Variants in UTY observed in about 807,000 individuals in gnomAD.
UTY encodes the protein histone demethylase UTY.
In UTY, 12 loss-of-function variants were observed where a neutral mutation model predicts 32.5. That is an observed-to-expected ratio of 0.37 (90% CI 0.24 to 0.60). The LOEUF (loss-of-function observed/expected upper bound fraction) is 0.60, where lower values mean the gene tolerates loss of function less well. UTY is among the 20% of genes least tolerant of loss of function. The pLI, the probability that UTY is intolerant of heterozygous loss-of-function variation, is 0.69. For missense variants in UTY, 303 were observed against 299.2 expected (o/e 1.01, Z -0.09); for synonymous variants, 131 against 103.4 (o/e 1.27, Z -1.62).
intron 10 of UTY, among the ~76,000 whole-genome samples, chrY:13,362,992 C>A: frequency 6.2e-5 from 2 of 32,232 alleles, no homozygotes; most frequent in Admixed American, 5.7e-4. Flanking sequence ...GTAACCTCTG[C>A]CCCTGGGTTC....
chrY:13,315,625 A>C, intron 21 of UTY, among the ~76,000 whole-genome samples: 1 of 33,117 alleles, frequency 3.0e-5, no homozygotes, highest in Non-Finnish European at 7.4e-5. Flanking sequence ...AAATAACAAC[A>C]AAAAAACAAA....
intron 17 of UTY, among the ~76,000 whole-genome samples, chrY:13,344,073 A>G (rs961206888): frequency 6.0e-5 from 2 of 33,242 alleles, no homozygotes; most frequent in African/African-American, 2.4e-4. Flanking sequence ...AGTTGCAATG[A>G]TGGAGGTAAC....
intron 9 of UTY, among the ~76,000 whole-genome samples, chrY:13,368,606 T>C (rs2064532056): frequency 3.1e-5 from 1 of 32,118 alleles, no homozygotes; most frequent in Non-Finnish European, 7.5e-5. Flanking sequence ...CTCAAACTCC[T>C]GACCGTAAGT....
intron 28 of UTY, among the ~76,000 whole-genome samples, chrY:13,259,236 C>T: frequency 5.9e-5 from 2 of 33,979 alleles, no homozygotes; most frequent in Non-Finnish European, 1.5e-4. Flanking sequence ...AATCTCTGTT[C>T]GAGGCTTTCA....
At chrY:13,406,603 T>C (rs376968749) in intron 6 of UTY, among the ~76,000 whole-genome samples, 123 of 31,308 alleles carry the variant, frequency 3.9e-3, no homozygotes, top group African/African-American at 0.013. Context: ...CTAATGTTGA[T>C]GTGTGTTCAA....
intron 6 of UTY, among the ~76,000 whole-genome samples, chrY:13,400,418 T>C (rs2068821289): frequency 3.0e-5 from 1 of 33,375 alleles, no homozygotes; most frequent in Non-Finnish European, 7.4e-5. Context: ...AAGCCTTATA[T>C]AGAAAGCTTT....
At chrY:13,242,585 C>G in intron 28 of UTY, among the ~76,000 whole-genome samples, 2 of 33,876 alleles carry the variant, frequency 5.9e-5, no homozygotes, top group Non-Finnish European at 1.5e-4. Flanking sequence ...ACTGAAATAT[C>G]AATGTCATTT....
intron 27 of UTY, among the ~76,000 whole-genome samples, chrY:13,283,127 T>TTTGACTTGGC (rs2057136080): frequency 2.9e-5 from 1 of 34,599 alleles, no homozygotes; most frequent in Non-Finnish European, 7.3e-5. Flanking sequence ...TTGTTCCGGT[T>TTTGACTTGGC]TTGACTTGGC....
chrY:13,379,005 A>G (rs2149400633), intron 8 of UTY, among the ~76,000 whole-genome samples: 1 of 32,249 alleles, frequency 3.1e-5, no homozygotes, highest in East Asian at 8.4e-4. Context: ...GGTCTTAATA[A>G]TAATTTTTAA....
intron 4 of UTY, among the ~76,000 whole-genome samples, chrY:13,419,363 C>T (rs762573879): frequency 3.0e-5 from 1 of 33,524 alleles, no homozygotes; most frequent in East Asian, 8.0e-4. Context: ...ACCAAACTCT[C>T]CTCCTGTCAA....
intron 25 of UTY, among the ~76,000 whole-genome samples, chrY:13,300,987 G>A: frequency 3.2e-5 from 1 of 31,323 alleles, no homozygotes; most frequent in Admixed American, 3.0e-4. Flanking sequence ...TCTGCTTCCC[G>A]GTTCCAGCAA....
At chrY:13,448,043 G>A in intron 4 of UTY, among the ~76,000 whole-genome samples, 1 of 33,598 alleles carries the variant, frequency 3.0e-5, no homozygotes, top group African/African-American at 1.2e-4. Flanking sequence ...TAGTAACTTT[G>A]TGAAAAGCTG....
At chrY:13,473,765 A>C in intron 2 of UTY, among the ~76,000 whole-genome samples, 1 of 33,993 alleles carries the variant, frequency 2.9e-5, no homozygotes, top group Non-Finnish European at 7.3e-5. Flanking sequence ...AATACAAAAT[A>C]AAGGTAAACA....
intron 4 of UTY, among the ~76,000 whole-genome samples, chrY:13,441,608 G>A: frequency 3.0e-5 from 1 of 33,510 alleles, no homozygotes; most frequent in African/African-American, 1.2e-4. Context: ...TGAAACTACA[G>A]GAAAAACTCC....
intron 9 of UTY, among the ~76,000 whole-genome samples, chrY:13,368,019 T>A (rs17221922): frequency 0.096 from 2,976 of 30,844 alleles, no homozygotes; most frequent in Non-Finnish European, 0.17. Flanking sequence ...CGTCAAGCAG[T>A]AGGGGAAGTC....
intron 9 of UTY, among the ~76,000 whole-genome samples, 166 bp downstream of exon 9, chrY:13,369,089 AT>A (rs2064609242): frequency 8.9e-5 from 3 of 33,756 alleles, no homozygotes; most frequent in African/African-American, 3.5e-4. Flanking sequence ...AAAATTATTT[AT>A]TTAAAATTTT....
At chrY:13,438,665 G>C (rs2074911576) in intron 4 of UTY, among the ~76,000 whole-genome samples, 2 of 34,017 alleles carry the variant, frequency 5.9e-5, no homozygotes, top group Admixed American at 2.6e-4. Flanking sequence ...TTGTTGTAAG[G>C]ATGTAGTAGA....
chrY:13,450,128 C>T (rs2076206850), intron 3 of UTY, among the ~76,000 whole-genome samples: 1 of 33,302 alleles, frequency 3.0e-5, no homozygotes, highest in Non-Finnish European at 7.4e-5. Flanking sequence ...ATATAGGCTA[C>T]ATTTCTATAA....
intron 17 of UTY, among the ~76,000 whole-genome samples, chrY:13,352,787 A>G (rs750302889): frequency 2.9e-5 from 1 of 34,131 alleles, no homozygotes; most frequent in East Asian, 7.6e-4. Flanking sequence ...AAACAACCTT[A>G]TTGATGATAT....
Sources: allele counts gnomAD v4.1 joint callset (sites outside exome capture counted in the v4.1 genomes callset), GRCh38; gene constraint gnomAD v4.1.1; transcripts MANE v1.5; gene names NCBI Gene and HGNC (gene_info 2026-07-23, HGNC 2026-07-21).